ARHGAP44: variants seen among roughly 807,000 people sequenced by gnomAD.
ARHGAP44 encodes rho GTPase-activating protein 44.
In ARHGAP44, 43 loss-of-function variants were observed where a neutral mutation model predicts 106.8. The observed-to-expected ratio is 0.40, with a 90% CI of 0.32 to 0.52. The LOEUF is 0.52. ARHGAP44 is among the 20% of genes least tolerant of loss of function. The pLI is 0.48. For missense variants in ARHGAP44, 866 were observed against 1,050.5 expected (o/e 0.82, Z 2.43); for synonymous variants, 439 against 410.3 (o/e 1.07, Z -0.85).
At chr17:12,910,248 T>C (rs2037683926) in intron 4 of ARHGAP44, among the ~76,000 whole-genome samples, 4 of 146,502 alleles carry the variant, frequency 2.7e-5, no homozygotes, top group African/African-American at 2.5e-5. Context: ...GATTGTGTTG[T>C]AGGGGAGGAA....
chr17:12,936,586 C>T (rs956950215), intron 7 of ARHGAP44, among the ~76,000 whole-genome samples: 2 of 152,220 alleles, frequency 1.3e-5, no homozygotes, highest in African/African-American at 4.8e-5. Flanking sequence ...AGTCTATCCA[C>T]TCGCCTACTG....
chr17:12,949,397 G>A lies in ARHGAP44; in HGVS notation c.973+146G>A. 1.1e-6 allele frequency: 1 copy of A among 949,344 alleles called. No individual in the cohort carries two copies. Among genetic ancestry groups the A allele is most frequent in the South Asian group, 1.6e-5 (1 of 62,096 alleles). 58.8% of individuals were successfully genotyped at this position (949,344 alleles called of 1,614,324 possible). A position where few individuals can be genotyped will look rare whatever the true frequency, so the allele number is the denominator to read the frequency against. On this transcript the variant is annotated intron_variant, in intron 11 of 20. Coordinates refer to ENST00000379672, the MANE Select transcript of ARHGAP44 (RefSeq NM_014859.6). The surrounding 1 kb of genome is among the most constrained non-coding windows in gnomAD (Gnocchi z 4.1). The stretch of plus-strand genomic sequence containing the variant: ...TGTCCACTCAGTGCCCAGTTTCAGG[G>A]CTGGGTGCTCTGGCCCCTTGAAGGA...
intron 1 of ARHGAP44, among the ~76,000 whole-genome samples, chr17:12,820,550 C>T (rs377430812): frequency 3.3e-5 from 5 of 152,020 alleles, no homozygotes; most frequent in South Asian, 2.1e-4. Context: ...CTGGCACTAT[C>T]GTGGGAATAC....
In ARHGAP44 at chr17:12,933,264, C is replaced by A. The variant is rs184963566; in HGVS notation, c.582+4218C>A. 9.1e-3 allele frequency among the ~76,000 whole-genome samples: 1,382 copies of A among 152,282 alleles called. 5 individuals carry two copies. Among genetic ancestry groups the A allele is most frequent in the South Asian group, 0.027 (132 of 4,824 alleles). On this transcript the variant is annotated intron_variant, in intron 7 of 20. Coordinates refer to ENST00000379672, the MANE Select transcript of ARHGAP44 (RefSeq NM_014859.6). ...GTGTTTGGGATCTCCTATATTGTGG[C>A]AAACCAGCCAAGTGCCAGTTTGTAG...
chr17:12,885,135 G>C (rs532692135), intron 1 of ARHGAP44, among the ~76,000 whole-genome samples: 1 of 152,128 alleles, frequency 6.6e-6, no homozygotes, highest in African/African-American at 2.4e-5. Flanking sequence ...TCCTGACCTC[G>C]TGATCTGCCC....
At chr17:12,881,672 TTTTA>T (rs2036741852) in intron 1 of ARHGAP44, among the ~76,000 whole-genome samples, 1 of 152,100 alleles carries the variant, frequency 6.6e-6, no homozygotes, top group Non-Finnish European at 1.5e-5. Context: ...TCCATACAAA[TTTTA>T]TTTATTTATT....
At position 12,908,786 on chromosome 17, in the gene ARHGAP44, T is replaced by G. The variant is rs1031659599; in HGVS notation, c.199-111T>G. 5 of 814,414 alleles carry G rather than the reference T, an allele frequency of 6.1e-6. No individual in the cohort carries two copies. The African/African-American group carries it at 8.8e-5, about 14-fold the overall frequency. The allele number at this position is 814,414 out of a possible 1,614,324, so 50.4% of individuals were successfully genotyped here. A position where few individuals can be genotyped will look rare whatever the true frequency, so the allele number is the denominator to read the frequency against. On this transcript the variant is annotated intron_variant, in intron 3 of 20. Transcript: ENST00000379672. ...TGTTTAAACCTATTTTAAAGTTAGC[T>G]TGTTTCATAGTTAATATAATACCTT... is the stretch of plus-strand genomic sequence containing the variant.
At chr17:12,936,206 G>A (rs2038544711) in intron 7 of ARHGAP44, among the ~76,000 whole-genome samples, 1 of 151,868 alleles carries the variant, frequency 6.6e-6, no homozygotes, top group Non-Finnish European at 1.5e-5. Flanking sequence ...GTGCATCATT[G>A]TCTTCCATAG....
intron 1 of ARHGAP44, among the ~76,000 whole-genome samples, chr17:12,849,568 C>CTTTTTTT (rs776346185): frequency 7.1e-5 from 5 of 69,958 alleles, no homozygotes; most frequent in African/African-American, 2.7e-4. Flanking sequence ...TACTTTTGTC[C>CTTTTTTT]TTTTTTTTTT....
At chr17:12,919,733 C>A (rs1567687180) in intron 5 of ARHGAP44, 22 bp from the exon 6 acceptor site, 3 of 1,598,216 alleles carry the variant, frequency 1.9e-6, no homozygotes, top group South Asian at 1.1e-5. Flanking sequence ...TTAATTGTAT[C>A]TTTTATGTTG....
chr17:12,967,965 T>A (rs1434743050), intron 16 of ARHGAP44, among the ~76,000 whole-genome samples: 1 of 152,220 alleles, frequency 6.6e-6, no homozygotes, highest in Non-Finnish European at 1.5e-5. Flanking sequence ...TACTGAACTC[T>A]GAATGCCTCA....
At position 12,792,948 on chromosome 17, in the gene ARHGAP44, T is replaced by G. The variant is rs532364035; in HGVS notation, c.53+3057T>G. On this transcript the variant is annotated intron_variant, in intron 1 of 20. Transcript: ENST00000379672. The stretch of plus-strand genomic sequence containing the variant: ...TTCAGCCCCTCCTTGGTCTGTTTCC[T>G]TAGTCTGCACGTGTTCCTTCTGCTT... Among the ~76,000 whole-genome samples, 173 of 152,324 alleles carry G rather than the reference T, an allele frequency of 1.1e-3. 1 individual carries two copies. The highest frequency in any genetic ancestry group is 1.9e-3 in the Non-Finnish European group (128 of 68,024).
chr17:12,848,984 G>T (rs1236796802), intron 1 of ARHGAP44, among the ~76,000 whole-genome samples: 2 of 151,498 alleles, frequency 1.3e-5, no homozygotes, highest in Non-Finnish European at 2.9e-5. Flanking sequence ...GGAGGTGGAG[G>T]TTGCAGTGAG....
rs951841110 is a variant in ARHGAP44 at position 12,803,193 on chromosome 17, A to C, written c.53+13302A>C. On this transcript the variant is annotated intron_variant, in intron 1 of 20. Transcript: ENST00000379672. ...CACTGTGTTGGCCAGGCTGGTCTCG[A>C]ACTCCTGACCTCAGGTGATCCACCC... 2.0e-5 allele frequency among the ~76,000 whole-genome samples: 3 copies of C among 151,334 alleles called. No individual in the cohort carries two copies. The South Asian group carries it at 6.3e-4, about 32-fold the overall frequency.
chr17:12,847,531 T>TTTTTTTA (rs2035603740), intron 1 of ARHGAP44, among the ~76,000 whole-genome samples: 3 of 149,768 alleles, frequency 2.0e-5, no homozygotes, highest in African/African-American at 7.4e-5. Context: ...TTTTTTTTTT[T>TTTTTTTA]GAGACGGAGT....
In ARHGAP44 at chr17:12,825,901, G is replaced by A. The variant is rs145186278; in HGVS notation, c.53+36010G>A. Among the ~76,000 whole-genome samples the A allele has an allele frequency of 5.9e-4, 90 of 152,262 alleles. 1 individual carries two copies. The highest frequency in any genetic ancestry group is 9.6e-4 in the Non-Finnish European group (65 of 68,020). ...ACATTGATTGTATGGATTTGAGAGC[G>A]TTAACTTTCTACTTTCCACCTGTAG... On this transcript the variant is annotated intron_variant, in intron 1 of 20. Coordinates refer to ENST00000379672, the MANE Select transcript of ARHGAP44 (RefSeq NM_014859.6).
chr17:12,843,698 C>G (rs1216042990), intron 1 of ARHGAP44, among the ~76,000 whole-genome samples: 1 of 145,660 alleles, frequency 6.9e-6, no homozygotes, highest in Admixed American at 6.9e-5. Context: ...GTCTGTCACC[C>G]AGGCTGGAGT....
intron 18 of ARHGAP44, 52 bp from the exon 19 acceptor site, chr17:12,980,006 G>T: frequency 6.6e-7 from 1 of 1,522,804 alleles, no homozygotes; most frequent in Non-Finnish European, 8.8e-7. Flanking sequence ...GGCTGGTGCT[G>T]CCGCTCACTG....
At chr17:12,894,219 T>C (rs997102760) in intron 1 of ARHGAP44, among the ~76,000 whole-genome samples, 2 of 145,784 alleles carry the variant, frequency 1.4e-5, no homozygotes, top group African/African-American at 5.3e-5. Flanking sequence ...TGTTTGTGTG[T>C]GTGTGTGTGA....
Sources: allele counts gnomAD v4.1 joint callset (sites outside exome capture counted in the v4.1 genomes callset), GRCh38; gene constraint gnomAD v4.1.1; non-coding constraint Gnocchi (gnomAD v3.1); transcripts MANE v1.5; gene names NCBI Gene and HGNC (gene_info 2026-07-23, HGNC 2026-07-21).